The following HLF variants were observed in gnomAD, a reference collection of about 807,000 sequenced individuals.
The protein encoded by HLF is HLF transcription factor, PAR bZIP family member.
Under a neutral mutation model 22.6 loss-of-function variants are expected in HLF, and 3 were observed. The ratio of observed to expected loss-of-function variants is 0.13; its 90% CI spans 0.06 to 0.34. The LOEUF (loss-of-function observed/expected upper bound fraction) is 0.34. Ranked by LOEUF, HLF falls within the 10% of genes least tolerant of loss-of-function variation. The probability of loss-of-function intolerance (pLI) is 1.00; values close to 1 mark genes in which losing one functional copy is unlikely to be tolerated. For synonymous variants in HLF, 151 were observed against 151.8 expected (o/e 0.99, Z 0.04); for missense variants, 299 against 389.2 (o/e 0.77, Z 1.95).
intron 2 of HLF, among the ~76,000 whole-genome samples, chr17:55,304,670 G>A (rs1904462343): frequency 6.6e-6 from 1 of 152,210 alleles, no homozygotes; most frequent in Admixed American, 6.5e-5. Flanking sequence ...CACACTGGGT[G>A]ACATCTAACA....
In HLF at chr17:55,324,941, G is replaced by A. The variant is rs185923097; in HGVS notation, c.*4062G>A. The A allele has an allele frequency of 5.9e-4, 137 of 231,162 alleles. 1 individual carries two copies. The highest frequency in any genetic ancestry group is 2.7e-3 in the Admixed American group (47 of 17,686). The allele number at this position is 231,162 out of a possible 1,614,324, so 14.3% of individuals were successfully genotyped here. On this transcript the variant is annotated 3_prime_UTR_variant, in exon 4 of 4. Coordinates refer to ENST00000226067, the MANE Select transcript of HLF (RefSeq NM_002126.5). ...CACAAAGATCGCATCTGTTAAACAG[G>A]TACAAGTTGACATGAGGTTAGTTTA... is the stretch of plus-strand genomic sequence containing the variant.
intron 2 of HLF, among the ~76,000 whole-genome samples, chr17:55,287,562 T>C (rs1196369475): frequency 1.3e-5 from 2 of 152,232 alleles, no homozygotes; most frequent in Non-Finnish European, 2.9e-5. Context: ...TGCATTTCCT[T>C]GGTGGATTCT....
At chr17:55,312,138 G>T (rs1465932093) in intron 2 of HLF, among the ~76,000 whole-genome samples, 3 of 152,240 alleles carry the variant, frequency 2.0e-5, no homozygotes, top group Non-Finnish European at 4.4e-5. Context: ...GCGAGTGCAG[G>T]TGTCTTTTTG....
chr17:55,299,453 A>T (rs572400536), intron 2 of HLF, among the ~76,000 whole-genome samples: 7 of 152,304 alleles, frequency 4.6e-5, no homozygotes, highest in Non-Finnish European at 8.8e-5. Context: ...AAAAATAATG[A>T]AAGATGATGC....
chr17:55,291,942 C>T (rs912552943), intron 2 of HLF, among the ~76,000 whole-genome samples: 1 of 152,052 alleles, frequency 6.6e-6, no homozygotes, highest in East Asian at 1.9e-4. Flanking sequence ...TTAGATGTGG[C>T]GGAAATAGCA....
At chr17:55,318,023 A>G (rs997999927) in intron 3 of HLF, among the ~76,000 whole-genome samples, 3 of 152,162 alleles carry the variant, frequency 2.0e-5, no homozygotes, top group Non-Finnish European at 4.4e-5. Context: ...AGGTGAGCCA[A>G]TACTGATACT....
chr17:55,287,376 T>C (rs960989057), intron 2 of HLF, among the ~76,000 whole-genome samples: 12 of 146,098 alleles, frequency 8.2e-5, no homozygotes, highest in Admixed American at 6.7e-4. Flanking sequence ...CAAGGGTCAG[T>C]TCTGCATTAC....
At chr17:55,307,147 C>CTTTTT (rs35828509) in intron 2 of HLF, among the ~76,000 whole-genome samples, 69 of 70,150 alleles carry the variant, frequency 9.8e-4, no homozygotes, top group Non-Finnish European at 1.1e-3. Context: ...TCTCAGCGGC[C>CTTTTT]TTTTTTTTTT....
rs1297436527 is a variant in HLF at position 55,265,481 on chromosome 17, C to T, written c.-4C>T. On this transcript the variant is annotated 5_prime_UTR_variant, in exon 1 of 4. Coordinates refer to ENST00000226067, the MANE Select transcript of HLF (RefSeq NM_002126.5). ...TTAAGGGGAAAAAATTTGAGTGCAT[C>T]GCGATGGAGAAAATGTCCCGACCGC... The T allele has an allele frequency of 6.4e-7, 1 of 1,568,166 alleles. No individual in the cohort carries two copies. The highest frequency in any genetic ancestry group is 1.1e-5 in the South Asian group (1 of 89,632).
rs1905385586 is a variant in HLF, at chr17:55,324,549, A to C, written c.*3670A>C. 4.3e-6 allele frequency: 1 copy of C among 232,340 alleles called. No individual in the cohort carries two copies. Among genetic ancestry groups the C allele is most frequent in the African/African-American group, 2.2e-5 (1 of 45,288 alleles). The allele number at this position is 232,340 out of a possible 1,614,324, so 14.4% of individuals were successfully genotyped here. A position where few individuals can be genotyped will look rare whatever the true frequency, so the allele number is the denominator to read the frequency against. ...GACCAGGCCTGCTTGCCTATGTGTGATGGCAATTGGAGATCTGGATTTAGC... is the reference window on the plus strand; with the variant it reads ...GACCAGGCCTGCTTGCCTATGTGTGCTGGCAATTGGAGATCTGGATTTAGC... On this transcript the variant is annotated 3_prime_UTR_variant, in exon 4 of 4. Transcript: ENST00000226067.
At chr17:55,271,485 T>C (rs1293679064) in intron 2 of HLF, 1 of 152,202 alleles carries the variant, frequency 6.6e-6, no homozygotes, top group Non-Finnish European at 1.5e-5. Context: ...TGTCTTGGAA[T>C]GACAAGGTGA....
intron 2 of HLF, among the ~76,000 whole-genome samples, chr17:55,271,137 C>G (rs2080852927): frequency 6.6e-6 from 1 of 152,180 alleles, no homozygotes; most frequent in Non-Finnish European, 1.5e-5. Flanking sequence ...ATTTGGACAG[C>G]AAAATCTGGA....
At chr17:55,269,568 C>T (rs2080833062) in intron 2 of HLF, among the ~76,000 whole-genome samples, 1 of 152,164 alleles carries the variant, frequency 6.6e-6, no homozygotes, top group South Asian at 2.1e-4. Context: ...GCTGTGTGAC[C>T]TTAGAAAGCA....
intron 2 of HLF, among the ~76,000 whole-genome samples, chr17:55,278,726 G>A (rs1257669293): frequency 1.3e-5 from 2 of 152,196 alleles, no homozygotes; most frequent in African/African-American, 4.8e-5. Flanking sequence ...AGCCTGCCCT[G>A]AGGATTGAGC....
At position 55,268,026 on chromosome 17, in the gene HLF, T is replaced by C. The variant is rs758850881; in HGVS notation, c.391T>C (p.Ser131Pro). ...PSVMDLSSRA[S>P]APLHPGIPSP... The stretch of plus-strand genomic sequence containing the variant: ...GGTCATGGACCTCAGCAGCCGGGCC[T>C]CTGCACCCCTTCACCCTGGCATCCC... The change falls in exon 2 of 4, where the codon TCT (serine) becomes CCT (proline). Residue 131 changes from serine to proline, a missense_variant. By Grantham distance (74) the Ser-to-Pro change is moderately conservative. This residue lies in a region of HLF where 224 missense variants were observed against 298.1 expected (regional missense o/e 0.75). Transcript: ENST00000226067. 5 of 1,609,544 alleles carry C rather than the reference T, an allele frequency of 3.1e-6. No individual in the cohort carries two copies. The South Asian group carries it at 4.4e-5, about 14-fold the overall frequency.
At chr17:55,303,639 C>A (rs959974679) in intron 2 of HLF, among the ~76,000 whole-genome samples, 1 of 152,128 alleles carries the variant, frequency 6.6e-6, no homozygotes, top group African/African-American at 2.4e-5. Context: ...GGCTTTCAGG[C>A]AGCATTTGTA....
chr17:55,314,278 G>A (rs1904976377), intron 2 of HLF, among the ~76,000 whole-genome samples: 1 of 152,178 alleles, frequency 6.6e-6, no homozygotes, highest in Non-Finnish European at 1.5e-5. Context: ...GGACCCTCAA[G>A]TGGAAGTTAG....
chr17:55,275,218 C>G (rs939798753), intron 2 of HLF, among the ~76,000 whole-genome samples: 4 of 152,196 alleles, frequency 2.6e-5, no homozygotes, highest in Non-Finnish European at 5.9e-5. Flanking sequence ...ACCTCAGCCT[C>G]CCAAGTAGCT....
intron 2 of HLF, among the ~76,000 whole-genome samples, chr17:55,302,706 A>C (rs1904354048): frequency 6.6e-6 from 1 of 152,170 alleles, no homozygotes; most frequent in African/African-American, 2.4e-5. Context: ...AGCTCTTTGA[A>C]AACTGCAGGT....
Sources: gnomAD v4.1 joint callset for allele counts (sites outside exome capture counted in the v4.1 genomes callset) on GRCh38, gnomAD v4.1.1 for gene constraint, gnomAD v4.1.1 regional missense constraint, MANE v1.5 for transcripts, NCBI Gene and HGNC (gene_info 2026-07-23, HGNC 2026-07-21) for gene names.